GDPD5: variants seen among roughly 807,000 people sequenced by gnomAD.
GDPD5 encodes glycerophosphodiester phosphodiesterase domain containing 5, also known as glycerophosphodiester phosphodiesterase 2.
In GDPD5, 48 loss-of-function variants were observed where a neutral mutation model predicts 75.1. The ratio of observed to expected loss-of-function variants is 0.64; its 90% confidence interval spans 0.51 to 0.81. The LOEUF (loss-of-function observed/expected upper bound fraction) is 0.81, where lower values mean the gene tolerates loss of function less well. GDPD5 is among the 40% of genes least tolerant of loss of function. GDPD5 has a pLI of 0.00. For missense variants in GDPD5, 706 were observed against 822.6 expected (o/e 0.86, Z 1.73); for synonymous variants, 336 against 339.0 (o/e 0.99, Z 0.10).
At chr11:75,521,145 A>C (rs1028563398) in intron 1 of GDPD5, among the ~76,000 whole-genome samples, 1 of 152,096 alleles carries the variant, frequency 6.6e-6, no homozygotes, top group Non-Finnish European at 1.5e-5. Context: ...ACATGGACAC[A>C]CGGGACCCCA....
At chr11:75,444,714 C>T (rs955203448) in intron 9 of GDPD5, among the ~76,000 whole-genome samples, 11 of 151,998 alleles carry the variant, frequency 7.2e-5, no homozygotes, top group African/African-American at 1.2e-4. Flanking sequence ...TTACTGGGGG[C>T]GGGGGAGGCA....
intron 1 of GDPD5, among the ~76,000 whole-genome samples, chr11:75,520,374 CAG>C (rs1950731948): frequency 6.6e-6 from 1 of 152,204 alleles, no homozygotes; most frequent in South Asian, 2.1e-4. Flanking sequence ...AGGGAAAAAA[CAG>C]AGGTGCAAAA....
chr11:75,442,701 G>T, intron 11 of GDPD5, 120 bp from the exon 12 acceptor site: 2 of 833,242 alleles, frequency 2.4e-6, no homozygotes, highest in Non-Finnish European at 3.8e-6. Context: ...GGGTCAGGCA[G>T]ATTGATGGCT....
At chr11:75,522,833 C>T (rs1619612) in intron 1 of GDPD5, among the ~76,000 whole-genome samples, 112,079 of 151,840 alleles carry the variant, frequency 0.74, 43,706 homozygotes, top group Middle Eastern at 0.86. Context: ...AGACAATGGG[C>T]CCGAGGGAAT....
chr11:75,442,861 C>A, intron 11 of GDPD5: 1 of 602,000 alleles, frequency 1.7e-6, no homozygotes. Flanking sequence ...AGAGCCAACC[C>A]CTCTCTAGAG....
In GDPD5 at chr11:75,449,609, C is replaced by T; in HGVS notation, c.476G>A (p.Gly159Asp). The stretch of plus-strand genomic sequence containing the variant: ...CCCCACATGCAGGAATGGCGCTGTG[C>T]CCTGTTTGCAGGGAGAGGGAAGGGA... Reference protein sequence around the residue: ...EWEVLLISLQGTAPFLHVGAV... With the variant: ...EWEVLLISLQDTAPFLHVGAV... The change falls in exon 8 of 17, where the codon GGC becomes GAC. Residue 159 changes from glycine to aspartate, a missense_variant and splice_region_variant. Coordinates refer to ENST00000336898, the MANE Select transcript of GDPD5 (RefSeq NM_030792.8). The T allele has an allele frequency of 6.4e-7, 1 of 1,573,814 alleles. No homozygotes were observed. The highest frequency in any genetic ancestry group is 1.9e-5 in the Admixed American group (1 of 53,082).
rs1950612111 is a variant in GDPD5, at chr11:75,515,232, C to T, written c.-145+9978G>A. Reference sequence around the variant, plus strand: ...CAGCCAGCTGTAAAGGGCTCTGTGTCCTAGACCTGCCGGCTGTGCCCCTGC... The same window carrying T: ...CAGCCAGCTGTAAAGGGCTCTGTGTTCTAGACCTGCCGGCTGTGCCCCTGC... On this transcript the variant is annotated intron_variant, in intron 1 of 16. Transcript: ENST00000336898. Among the ~76,000 whole-genome samples the T allele has an allele frequency of 2.0e-5, 3 of 152,214 alleles. No individual in the cohort carries two copies. In the South Asian group the frequency reaches 6.2e-4, roughly 32 times the overall value.
chr11:75,478,286 A>G (rs1385326912), intron 2 of GDPD5, among the ~76,000 whole-genome samples: 3 of 152,168 alleles, frequency 2.0e-5, no homozygotes, highest in Admixed American at 1.3e-4. Flanking sequence ...AGTAGCTGGG[A>G]TTACAGGTGC....
chr11:75,495,103 T>C (rs1461942086), intron 1 of GDPD5, among the ~76,000 whole-genome samples: 1 of 151,846 alleles, frequency 6.6e-6, no homozygotes, highest in Non-Finnish European at 1.5e-5. Flanking sequence ...CCGTCTCTAC[T>C]AAAAATACAA....
chr11:75,486,382 A>C (rs1950022252), intron 2 of GDPD5, among the ~76,000 whole-genome samples: 1 of 152,204 alleles, frequency 6.6e-6, no homozygotes, highest in African/African-American at 2.4e-5. Context: ...CCTGAGCACC[A>C]GGGCAGAGCT....
At chr11:75,483,443 C>T (rs907309073) in intron 2 of GDPD5, among the ~76,000 whole-genome samples, 26 of 152,174 alleles carry the variant, frequency 1.7e-4, no homozygotes, top group African/African-American at 6.3e-4. Context: ...GACGCACTGG[C>T]CTGCTCCCCT....
chr11:75,447,170 A>T (rs1949006019), intron 9 of GDPD5, among the ~76,000 whole-genome samples: 1 of 152,192 alleles, frequency 6.6e-6, no homozygotes, highest in East Asian at 1.9e-4. Context: ...AGCATGAGCC[A>T]CTGAGCCCAG....
intron 15 of GDPD5, 54 bp downstream of exon 15, chr11:75,439,825 G>T (rs890653207): frequency 1.4e-6 from 2 of 1,421,518 alleles, no homozygotes; most frequent in African/African-American, 1.4e-5. Context: ...TGGGGTGGGG[G>T]CTGGGCCTGC....
chr11:75,440,612 C>G (rs1948767029), intron 14 of GDPD5, among the ~76,000 whole-genome samples: 1 of 152,188 alleles, frequency 6.6e-6, no homozygotes, highest in South Asian at 2.1e-4. Context: ...GTCATCCAGG[C>G]TGGAGTGATC....
chr11:75,483,730 A>G (rs1019131987), intron 2 of GDPD5, among the ~76,000 whole-genome samples: 7 of 152,242 alleles, frequency 4.6e-5, no homozygotes, highest in Admixed American at 1.3e-4. Flanking sequence ...CGTCATGCCA[A>G]CTTCACAAAA....
chr11:75,495,741 T>C (rs1950196705), intron 1 of GDPD5, among the ~76,000 whole-genome samples: 1 of 152,240 alleles, frequency 6.6e-6, no homozygotes, highest in Non-Finnish European at 1.5e-5. Context: ...TTCGAATATC[T>C]GACAAAGATA....
At chr11:75,521,412 G>A (rs371539601) in intron 1 of GDPD5, among the ~76,000 whole-genome samples, 37 of 152,200 alleles carry the variant, frequency 2.4e-4, no homozygotes, top group Non-Finnish European at 1.6e-4. Flanking sequence ...CTACCTTTGA[G>A]CTGTGTGACC....
intron 1 of GDPD5, among the ~76,000 whole-genome samples, chr11:75,509,926 C>T (rs1461884486): frequency 1.3e-5 from 2 of 152,184 alleles, no homozygotes; most frequent in Admixed American, 6.5e-5. Flanking sequence ...GTGATCTGCC[C>T]GCCTCGGCCT....
chr11:75,494,182 CTA>C (rs1474864694), intron 1 of GDPD5, among the ~76,000 whole-genome samples: 1 of 148,850 alleles, frequency 6.7e-6, no homozygotes, highest in African/African-American at 2.5e-5. Context: ...ATAAATTTTC[CTA>C]TGTTTATATT....
Sources: allele counts gnomAD v4.1 joint callset (sites outside exome capture counted in the v4.1 genomes callset), GRCh38; gene constraint gnomAD v4.1.1; transcripts MANE v1.5; gene names NCBI Gene and HGNC (gene_info 2026-07-23, HGNC 2026-07-21).